The following FBXO34 variants were observed in gnomAD, a reference collection of about 807,000 sequenced individuals.
FBXO34 encodes the protein F-box protein 34, also known as F-box only protein 34.
Under a neutral mutation model 24.5 loss-of-function variants are expected in FBXO34, and 12 were observed. The ratio of observed to expected loss-of-function variants is 0.49; its 90% CI spans 0.31 to 0.79. FBXO34 has a LOEUF of 0.79. Among genes scored for constraint, FBXO34 ranks in the 30% least tolerant of loss-of-function variants. FBXO34 has a pLI of 0.04. For missense variants in FBXO34, 823 were observed against 857.7 expected (o/e 0.96, Z 0.51); for synonymous variants, 320 against 311.9 (o/e 1.03, Z -0.27).
At chr14:55,416,608 C>T in the FBXO34 span, among the ~76,000 whole-genome samples, 18 of 152,234 alleles carry the variant, frequency 1.2e-4, no homozygotes, top group African/African-American at 4.3e-4. Flanking sequence ...CCACAAGTTT[C>T]AGCAGATTTT....
At chr14:55,434,938 A>G in the FBXO34 span, among the ~76,000 whole-genome samples, 1 of 152,184 alleles carries the variant, frequency 6.6e-6, no homozygotes, top group African/African-American at 2.4e-5. Context: ...TTGTACTCCT[A>G]AGTACAGAGC....
At chr14:55,350,303 T>C (rs1884303601) in intron 1 of FBXO34, 78 bp from the exon 2 acceptor site, 2 of 1,089,834 alleles carry the variant, frequency 1.8e-6, no homozygotes, top group African/African-American at 1.6e-5. Context: ...CTAAGAACCA[T>C]CTGAGCTTAA....
intron 1 of FBXO34, among the ~76,000 whole-genome samples, chr14:55,275,600 G>A (rs1881308116): frequency 6.6e-6 from 1 of 151,610 alleles, no homozygotes; most frequent in Non-Finnish European, 1.5e-5. Context: ...AGAACACGAG[G>A]TCAGGAGATT....
At chr14:55,279,521 A>G (rs1270765002) in intron 1 of FBXO34, among the ~76,000 whole-genome samples, 1 of 152,214 alleles carries the variant, frequency 6.6e-6, no homozygotes, top group Admixed American at 6.5e-5. Flanking sequence ...AGGTTAAAGT[A>G]AAGATGTAAT....
chr14:55,411,883 C>T, the FBXO34 span: 7 of 1,457,064 alleles, frequency 4.8e-6, no homozygotes, highest in Non-Finnish European at 6.5e-6. Flanking sequence ...GCATTCTGGG[C>T]CAGGAGGAGG....
the FBXO34 span, among the ~76,000 whole-genome samples, chr14:55,384,995 C>T: frequency 6.6e-6 from 1 of 152,184 alleles, no homozygotes. Context: ...TCTGTCCCAC[C>T]AGGGGTTATC....
At position 55,350,912 on chromosome 14, in the gene FBXO34, C is replaced by T; in HGVS notation, c.522C>T (p.Cys174=). The change falls in exon 2 of 2, where the codon TGC becomes TGT. Residue 174 remains cysteine (C), a synonymous_variant. Coordinates refer to ENST00000313833, the MANE Select transcript of FBXO34 (RefSeq NM_017943.4). Reference sequence around the variant, plus strand: ...GGATGAGGGAGGTTAACAGCAGGTGCTACCAACCTGAGCCTTTTGCATGTG... The same window carrying T: ...GGATGAGGGAGGTTAACAGCAGGTGTTACCAACCTGAGCCTTTTGCATGTG... The part of the protein sequence containing the change: ...VERMREVNSR[C]YQPEPFACGI... 4.3e-6 allele frequency: 7 copies of T among 1,613,792 alleles called. No individual in the cohort carries two copies. The highest frequency in any genetic ancestry group is 4.2e-6 in the Non-Finnish European group (5 of 1,179,862).
the FBXO34 span, among the ~76,000 whole-genome samples, chr14:55,375,220 G>A: frequency 6.6e-6 from 1 of 152,198 alleles, no homozygotes; most frequent in Non-Finnish European, 1.5e-5. Flanking sequence ...TAAGATCACT[G>A]CTATGGAATT....
the FBXO34 span, among the ~76,000 whole-genome samples, chr14:55,400,420 T>C: frequency 6.6e-6 from 1 of 152,194 alleles, no homozygotes; most frequent in Non-Finnish European, 1.5e-5. Flanking sequence ...TGCCAGAACA[T>C]ATTGATCTAA....
chr14:55,416,807 C>T, the FBXO34 span, among the ~76,000 whole-genome samples: 1 of 152,136 alleles, frequency 6.6e-6, no homozygotes, highest in African/African-American at 2.4e-5. Context: ...CACACATGCC[C>T]CTCTCCCAAA....
intron 1 of FBXO34, among the ~76,000 whole-genome samples, chr14:55,333,980 T>TAATAC (rs1313409509): frequency 1.3e-5 from 2 of 152,192 alleles, no homozygotes; most frequent in Admixed American, 1.3e-4. Flanking sequence ...GTTAAACTGA[T>TAATAC]AGTATTAAGT....
At chr14:55,402,926 AATATATATATATATAT>A in the FBXO34 span, among the ~76,000 whole-genome samples, 403 of 16,346 alleles carry the variant, frequency 0.025, 8 homozygotes, top group African/African-American at 0.041. Flanking sequence ...AAAAAAAAAA[AATATATATATATATAT>A]ATATATATAT....
At chr14:55,323,378 AATTT>A (rs1176950878) in intron 1 of FBXO34, among the ~76,000 whole-genome samples, 4 of 129,928 alleles carry the variant, frequency 3.1e-5, no homozygotes, top group African/African-American at 8.7e-5. Context: ...CCCCCCTTTA[AATTT>A]ATTTATTTTT....
the FBXO34 span, among the ~76,000 whole-genome samples, chr14:55,397,851 CTTT>C: frequency 6.6e-6 from 1 of 150,748 alleles, no homozygotes; most frequent in South Asian, 2.1e-4. Context: ...AAATTGTAGA[CTTT>C]TTTTCACTAA....
the FBXO34 span, among the ~76,000 whole-genome samples, chr14:55,406,705 CAAAG>C: frequency 6.6e-6 from 1 of 152,088 alleles, no homozygotes; most frequent in African/African-American, 2.4e-5. Context: ...ATTCTGGAAA[CAAAG>C]AAAAACTAAC....
the FBXO34 span, among the ~76,000 whole-genome samples, chr14:55,412,727 TTCTC>T: frequency 2.0e-5 from 3 of 152,324 alleles, no homozygotes; most frequent in East Asian, 5.8e-4. Flanking sequence ...CTGCCCTGAA[TTCTC>T]TCTCTAGCCA....
chr14:55,400,833 A>G, the FBXO34 span, among the ~76,000 whole-genome samples: 69,638 of 151,518 alleles, frequency 0.46, 16,729 homozygotes, highest in African/African-American at 0.58. Context: ...GAACCCGGGA[A>G]GCGGAGGTTG....
intron 1 of FBXO34, among the ~76,000 whole-genome samples, chr14:55,300,397 C>T (rs979627517): frequency 3.3e-5 from 5 of 152,240 alleles, no homozygotes; most frequent in African/African-American, 7.2e-5. Flanking sequence ...TCCAGACCAG[C>T]GTGGCCAATA....
the FBXO34 span, among the ~76,000 whole-genome samples, chr14:55,378,395 C>T: frequency 4.3e-4 from 65 of 152,334 alleles, 1 homozygote; most frequent in African/African-American, 1.5e-3. Context: ...CTGGTAAGAT[C>T]TTGACACCTT....
Sources: allele counts gnomAD v4.1 joint callset (sites outside exome capture counted in the v4.1 genomes callset), GRCh38; gene constraint gnomAD v4.1.1; transcripts MANE v1.5; gene names NCBI Gene and HGNC (gene_info 2026-07-23, HGNC 2026-07-21).